ZBBX: variants seen among roughly 807,000 people sequenced by gnomAD.
ZBBX encodes zinc finger B-box domain-containing protein 1.
A neutral mutation model predicts 108.5 loss-of-function variants in ZBBX; 101 were observed. The observed-to-expected ratio is 0.93, with a 90% CI of 0.79 to 1.10. The LOEUF (loss-of-function observed/expected upper bound fraction) is 1.10, where lower values mean the gene tolerates loss of function less well. Among genes scored for constraint, ZBBX ranks in the 50% least tolerant of loss-of-function variants. The probability of loss-of-function intolerance (pLI) is 0.00; values close to 1 mark genes in which losing one functional copy is unlikely to be tolerated. For missense variants in ZBBX, 1,009 were observed against 941.4 expected (o/e 1.07, Z -0.94); for synonymous variants, 356 against 323.4 (o/e 1.10, Z -1.08).
At chr3:167,252,496 T>C (rs1252606718) in intron 20 of ZBBX, among the ~76,000 whole-genome samples, 2 of 152,094 alleles carry the variant, frequency 1.3e-5, no homozygotes, top group Non-Finnish European at 2.9e-5. Context: ...TCACTGACTG[T>C]TGGGTTGATT....
Position 167,398,792 on chromosome 3 carries a change from A to G in ZBBX, c.-446+8934T>C, listed in dbSNP as rs1335638957. 5.9e-5 allele frequency among the ~76,000 whole-genome samples: 9 copies of G among 152,040 alleles called. 1 individual carries two copies. The highest frequency in any genetic ancestry group is 2.2e-4 in the African/African-American group (9 of 41,410). On this transcript the variant is annotated intron_variant, in intron 1 of 21. Transcript: ENST00000455345. ...TGAATATTTGTCCCCTCCAAAACTC[A>G]TGTTAAATATTAATCCCCTATGTGA... is the stretch of plus-strand genomic sequence containing the variant.
the ZBBX span, among the ~76,000 whole-genome samples, chr3:167,183,303 TACTC>T: frequency 1.3e-5 from 2 of 152,180 alleles, no homozygotes; most frequent in Non-Finnish European, 2.9e-5. Context: ...CTCCCCTTCT[TACTC>T]ACCACAGGGA....
At chr3:167,366,322 A>G (rs888870873) in intron 5 of ZBBX, among the ~76,000 whole-genome samples, 1 of 151,872 alleles carries the variant, frequency 6.6e-6, no homozygotes, top group Non-Finnish European at 1.5e-5. Context: ...AAATGTCCAC[A>G]AATGTAAAGA....
chr3:167,311,981 A>G (rs993365497), intron 16 of ZBBX, among the ~76,000 whole-genome samples: 1 of 152,216 alleles, frequency 6.6e-6, no homozygotes, highest in African/African-American at 2.4e-5. Flanking sequence ...AAACCCATAC[A>G]TGAATATTTA....
chr3:167,394,554 C>T (rs1748173490), intron 1 of ZBBX, among the ~76,000 whole-genome samples: 2 of 149,884 alleles, frequency 1.3e-5, no homozygotes, highest in African/African-American at 5.1e-5. Context: ...CTCTCAAACT[C>T]ATTTTTTTTT....
At chr3:167,261,760 C>T (rs1203397248) in intron 20 of ZBBX, among the ~76,000 whole-genome samples, 4 of 139,640 alleles carry the variant, frequency 2.9e-5, no homozygotes, top group Non-Finnish European at 4.6e-5. Flanking sequence ...TCCCAGGCTA[C>T]CCGCCTCCCA....
downstream of ZBBX, among the ~76,000 whole-genome samples, chr3:167,239,836 G>A (rs925352833): frequency 6.6e-6 from 1 of 152,072 alleles, no homozygotes; most frequent in African/African-American, 2.4e-5. Flanking sequence ...ACATATTCAA[G>A]ACTGAGTAAT....
intron 1 of ZBBX, among the ~76,000 whole-genome samples, chr3:167,389,107 TC>T (rs1434890364): frequency 6.6e-6 from 1 of 152,066 alleles, no homozygotes; most frequent in Non-Finnish European, 1.5e-5. Context: ...TAGGTATTGG[TC>T]CTAATGTTCT....
chr3:167,359,940 G>A lies in ZBBX; in HGVS notation c.362C>T (p.Ser121Phe). 3 of 1,591,400 alleles carry A rather than the reference G, an allele frequency of 1.9e-6. No individual in the cohort carries two copies. The Middle Eastern group carries it at 5.0e-4, about 266-fold the overall frequency. ...TATCTTGGGTTTTTCACATTCTGAAGAATTTGCCATTTTATAATTAACTGT... is the reference window on the plus strand; with the variant it reads ...TATCTTGGGTTTTTCACATTCTGAAAAATTTGCCATTTTATAATTAACTGT... ...KPTVNYKMAN[S>F]SECEKPKING... Residue 121 changes from serine (S) to phenylalanine (F), a missense_variant, in exon 8 of 22, where the codon TCT becomes TTT. Ser to Phe is a radical substitution (Grantham distance 155). Transcript: ENST00000675490.
intron 16 of ZBBX, among the ~76,000 whole-genome samples, chr3:167,310,620 C>T (rs952482606): frequency 6.6e-6 from 1 of 152,040 alleles, no homozygotes; most frequent in Non-Finnish European, 1.5e-5. Context: ...ACTTTTAAAT[C>T]ATCAGAGCTC....
intron 20 of ZBBX, among the ~76,000 whole-genome samples, chr3:167,269,118 G>A (rs1726093553): frequency 6.6e-6 from 1 of 152,208 alleles, no homozygotes; most frequent in African/African-American, 2.4e-5. Flanking sequence ...GGAGTAGGGG[G>A]CTCAGGGGCT....
chr3:167,288,954 A>C lies in ZBBX; in HGVS notation c.1909T>G (p.Leu637Val), dbSNP rs1161745815. The change falls in exon 19 of 22, where the codon TTA becomes GTA. Residue 637 changes from leucine to valine, a missense_variant. Transcript: ENST00000675490. ...EDREWIPDHSLSEYADNAIVL... is the reference protein window; with the variant it reads ...EDREWIPDHSVSEYADNAIVL... ...ATTGCATTATCAGCATATTCACTTA[A>C]GCTATGGTCTGGAATCCATTCTCTG... 2.6e-6 allele frequency: 4 copies of C among 1,542,518 alleles called. No individual in the cohort carries two copies. In the South Asian group the frequency reaches 4.8e-5, roughly 19 times the overall value.
chr3:167,321,308 T>C (rs1056767626), intron 12 of ZBBX, among the ~76,000 whole-genome samples: 1 of 152,026 alleles, frequency 6.6e-6, no homozygotes, highest in Non-Finnish European at 1.5e-5. Flanking sequence ...TCTGAAGAGA[T>C]ACCATGGAGA....
intron 19 of ZBBX, among the ~76,000 whole-genome samples, chr3:167,287,767 G>A (rs555158854): frequency 3.2e-4 from 49 of 151,958 alleles, no homozygotes; most frequent in Non-Finnish European, 5.7e-4. Context: ...AGTTGCTGTC[G>A]ACTTTGATGT....
chr3:167,398,099 A>G (rs1040513657), intron 1 of ZBBX, among the ~76,000 whole-genome samples: 4 of 152,006 alleles, frequency 2.6e-5, no homozygotes, highest in Non-Finnish European at 5.9e-5. Flanking sequence ...AACGAGCTTC[A>G]ATTCTTGTTC....
At chr3:167,355,629 T>C (rs1743439941) in intron 8 of ZBBX, among the ~76,000 whole-genome samples, 1 of 151,930 alleles carries the variant, frequency 6.6e-6, no homozygotes, top group Non-Finnish European at 1.5e-5. Flanking sequence ...ATTCACTCAT[T>C]ATCCAGTCAG....
chr3:167,199,963 T>C, the ZBBX span, among the ~76,000 whole-genome samples: 4 of 152,100 alleles, frequency 2.6e-5, no homozygotes, highest in African/African-American at 9.7e-5. Context: ...TACAGAAGGA[T>C]CCTTCCTTGA....
the ZBBX span, among the ~76,000 whole-genome samples, chr3:167,198,874 A>C: frequency 6.6e-6 from 1 of 152,230 alleles, no homozygotes; most frequent in Non-Finnish European, 1.5e-5. Context: ...CAGTTTAAAA[A>C]TGAAAGTAAA....
chr3:167,308,545 CAG>C (rs1734057113), intron 16 of ZBBX, among the ~76,000 whole-genome samples: 1 of 152,130 alleles, frequency 6.6e-6, no homozygotes, highest in Non-Finnish European at 1.5e-5. Flanking sequence ...ATAGCACAGA[CAG>C]GGAATCAACC....
Sources: gnomAD v4.1 joint callset for allele counts (sites outside exome capture counted in the v4.1 genomes callset) on GRCh38, gnomAD v4.1.1 for gene constraint, MANE v1.5 for transcripts, NCBI Gene and HGNC (gene_info 2026-07-23, HGNC 2026-07-21) for gene names.